The following ADGRL2 variants were observed in gnomAD, a reference collection of about 807,000 sequenced individuals.
ADGRL2 encodes calcium-independent alpha-latrotoxin receptor 2.
ADGRL2 carries 44 observed loss-of-function variants against 157.4 expected under a neutral mutation model. The ratio of observed to expected loss-of-function variants is 0.28; its 90% CI spans 0.22 to 0.36. The LOEUF is 0.36. ADGRL2 is among the 10% of genes least tolerant of loss of function. The pLI, the probability that ADGRL2 is intolerant of heterozygous loss-of-function variation, is 1.00. For missense variants in ADGRL2, 1,510 were observed against 1,768.9 expected (o/e 0.85, Z 2.63); for synonymous variants, 585 against 624.7 (o/e 0.94, Z 0.95).
At chr1:81,478,140 G>A (rs541028538) in intron 2 of ADGRL2, among the ~76,000 whole-genome samples, 9 of 152,190 alleles carry the variant, frequency 5.9e-5, no homozygotes, top group Admixed American at 1.3e-4. Context: ...TGCATCCTGC[G>A]ATAATTATTC....
At chr1:81,430,532 G>A (rs1226339096) in intron 1 of ADGRL2, among the ~76,000 whole-genome samples, 1 of 152,138 alleles carries the variant, frequency 6.6e-6, no homozygotes, top group African/African-American at 2.4e-5. Context: ...GGCCTTTGTG[G>A]CATGCTGGTG....
At chr1:81,687,742 T>C (rs1202584517) in intron 3 of ADGRL2, among the ~76,000 whole-genome samples, 1 of 152,174 alleles carries the variant, frequency 6.6e-6, no homozygotes, top group Non-Finnish European at 1.5e-5. Context: ...CTTTTTAGCT[T>C]ATATTCTTGT....
At chr1:81,690,522 A>G (rs941788347) in intron 3 of ADGRL2, among the ~76,000 whole-genome samples, 2 of 152,204 alleles carry the variant, frequency 1.3e-5, no homozygotes, top group East Asian at 3.9e-4. Flanking sequence ...AAAATTTAGT[A>G]TCCAACTTCT....
rs2149448768 is a variant in ADGRL2, at chr1:81,981,855, C to G, written c.3161C>G (p.Thr1054Ser). ...AFALLCLLGL[T>S]WSFGLLFINE... The stretch of plus-strand genomic sequence containing the variant: ...GCTCTTCTGTGTCTTCTTGGCCTCA[C>G]CTGGTCCTTTGGGTTGCTTTTTATT... Residue 1054 changes from threonine (T) to serine (S), a missense_variant, in exon 19 of 24, where the codon ACC becomes AGC. Transcript: ENST00000686636. 6.2e-7 allele frequency: 1 copy of G among 1,612,376 alleles called. No homozygotes were observed. Among genetic ancestry groups the G allele is most frequent in the East Asian group, 2.2e-5 (1 of 44,828 alleles).
At chr1:81,852,582 G>A (rs1044757790) in intron 2 of ADGRL2, among the ~76,000 whole-genome samples, 4 of 152,086 alleles carry the variant, frequency 2.6e-5, no homozygotes, top group African/African-American at 9.7e-5. Context: ...ATTATGAAAT[G>A]AAAATGTGAA....
intron 1 of ADGRL2, among the ~76,000 whole-genome samples, chr1:81,343,092 C>CTTTTTTTTTTTTTTTTTTTCT (rs544677891): frequency 1.5e-5 from 2 of 131,150 alleles, no homozygotes; most frequent in African/African-American, 2.8e-5. Flanking sequence ...TTTTTCTTTT[C>CTTTTTTTTTTTTTTTTTTTCT]TTTTTTTTTT....
rs1664925953 is a variant in ADGRL2 at position 81,993,288 on chromosome 1, G to GGCAT, written c.*2144_*2147dup. Among the ~76,000 whole-genome samples the GGCAT allele has an allele frequency of 6.7e-6, 1 of 149,464 alleles. No individual in the cohort carries two copies. Among genetic ancestry groups the GGCAT allele is most frequent in the South Asian group, 2.1e-4 (1 of 4,738 alleles). ...ATTTATAAACTACTTGCTAAAGGAG[G>GGCAT]GCATTAGATAATCAAGTATTTTTAA... On this transcript the variant is annotated 3_prime_UTR_variant, in exon 24 of 24. Coordinates refer to ENST00000686636, the MANE Select transcript of ADGRL2 (RefSeq NM_001366006.2).
intron 3 of ADGRL2, among the ~76,000 whole-genome samples, chr1:81,648,312 A>G (rs969400705): frequency 1.3e-5 from 2 of 152,136 alleles, no homozygotes; most frequent in African/African-American, 2.4e-5. Context: ...ATAGATTGGA[A>G]ATTGAAGTCC....
intron 2 of ADGRL2, among the ~76,000 whole-genome samples, chr1:81,770,067 C>T (rs2086292478): frequency 6.8e-6 from 1 of 147,218 alleles, no homozygotes; most frequent in African/African-American, 2.5e-5. Flanking sequence ...GTTGGCCAGG[C>T]TGGTCTTGAA....
chr1:81,834,386 G>A (rs897629464), intron 1 of ADGRL2, among the ~76,000 whole-genome samples: 5 of 152,162 alleles, frequency 3.3e-5, no homozygotes, highest in African/African-American at 9.7e-5. Context: ...TACAGAATTT[G>A]AAGGACAAAT....
At chr1:81,863,446 A>T (rs145566443) in intron 2 of ADGRL2, among the ~76,000 whole-genome samples, 9 of 152,140 alleles carry the variant, frequency 5.9e-5, no homozygotes, top group Non-Finnish European at 1.3e-4. Context: ...ACAGAAAAAA[A>T]CTCTCTAAAA....
intron 1 of ADGRL2, among the ~76,000 whole-genome samples, chr1:81,355,502 A>G (rs1001242611): frequency 2.0e-5 from 3 of 152,226 alleles, no homozygotes; most frequent in Admixed American, 6.5e-5. Flanking sequence ...AAGTTTCTTA[A>G]TCTATAGACT....
chr1:81,623,117 A>T (rs1390228721), intron 3 of ADGRL2, among the ~76,000 whole-genome samples: 1 of 152,182 alleles, frequency 6.6e-6, no homozygotes, highest in Non-Finnish European at 1.5e-5. Flanking sequence ...CTCTAAGCTT[A>T]TAGCTGTTAC....
intron 2 of ADGRL2, among the ~76,000 whole-genome samples, chr1:81,475,034 A>C (rs1383052382): frequency 3.3e-5 from 5 of 152,298 alleles, no homozygotes; most frequent in Admixed American, 6.5e-5. Flanking sequence ...AAGCAGTCAG[A>C]GTCATCACAA....
intron 3 of ADGRL2, among the ~76,000 whole-genome samples, chr1:81,676,197 G>A (rs559341098): frequency 1.3e-5 from 2 of 152,090 alleles, no homozygotes; most frequent in East Asian, 3.9e-4. Context: ...TTTTAGTAGA[G>A]ATGAGGTTTC....
At chr1:81,807,285 T>A (rs1250904100) in intron 1 of ADGRL2, among the ~76,000 whole-genome samples, 1 of 152,004 alleles carries the variant, frequency 6.6e-6, no homozygotes, top group African/African-American at 2.4e-5. Flanking sequence ...TTAGAATATT[T>A]ATATTTCCAA....
intron 1 of ADGRL2, among the ~76,000 whole-genome samples, chr1:81,392,319 G>A (rs2076575242): frequency 6.6e-6 from 1 of 151,882 alleles, no homozygotes; most frequent in Non-Finnish European, 1.5e-5. Context: ...ATTTCGGGAG[G>A]AAGGTTTTGA....
intron 3 of ADGRL2, among the ~76,000 whole-genome samples, chr1:81,925,179 G>A (rs972382440): frequency 2.0e-5 from 3 of 152,030 alleles, no homozygotes; most frequent in Non-Finnish European, 4.4e-5. Context: ...TAATTATGTA[G>A]CACTTTGTTT....
chr1:81,403,637 A>G (rs924856992), intron 1 of ADGRL2, among the ~76,000 whole-genome samples: 1 of 152,070 alleles, frequency 6.6e-6, no homozygotes, highest in Non-Finnish European at 1.5e-5. Context: ...CAAATAATTC[A>G]ATAAGTAGGT....
Sources: allele counts gnomAD v4.1 joint callset (sites outside exome capture counted in the v4.1 genomes callset), GRCh38; gene constraint gnomAD v4.1.1; transcripts MANE v1.5; gene names NCBI Gene and HGNC (gene_info 2026-07-23, HGNC 2026-07-21).